ANKFN1: variants seen among roughly 807,000 people sequenced by gnomAD.
ANKFN1 encodes the protein ankyrin repeat and fibronectin type-III domain-containing protein 1.
In ANKFN1, 74 loss-of-function variants were observed where a neutral mutation model predicts 108.7. The ratio of observed to expected loss-of-function variants is 0.68; its 90% CI spans 0.56 to 0.83. The LOEUF is 0.83. ANKFN1 is among the 40% of genes least tolerant of loss of function. The probability of loss-of-function intolerance (pLI) is 0.00; values close to 1 mark genes in which losing one functional copy is unlikely to be tolerated. For synonymous variants in ANKFN1, 547 were observed against 516.2 expected, an observed-to-expected ratio of 1.06 and a Z score of -0.81; for missense variants, 1,505 against 1,382.3, an observed-to-expected ratio of 1.09 and a Z score of -1.41.
At chr17:56,494,039 A>G (rs1254604140) in intron 19 of ANKFN1, among the ~76,000 whole-genome samples, 2 of 152,220 alleles carry the variant, frequency 1.3e-5, no homozygotes, top group African/African-American at 4.8e-5. Flanking sequence ...CATAGTAAGT[A>G]TGTAATACAT....
intron 3 of ANKFN1, among the ~76,000 whole-genome samples, chr17:56,280,183 G>A (rs569466548): frequency 1.1e-4 from 17 of 151,458 alleles, no homozygotes; most frequent in Non-Finnish European, 1.6e-4. Flanking sequence ...CTCATTTTTC[G>A]TCTTTTATGT....
At chr17:56,431,022 C>G (rs1405598921) in intron 8 of ANKFN1, among the ~76,000 whole-genome samples, 2 of 152,048 alleles carry the variant, frequency 1.3e-5, no homozygotes, top group African/African-American at 4.8e-5. Context: ...GAACAGTATG[C>G]GTGAGTTTCC....
intron 4 of ANKFN1, among the ~76,000 whole-genome samples, chr17:56,047,317 C>T (rs533331716): frequency 6.6e-6 from 1 of 151,900 alleles, no homozygotes; most frequent in Non-Finnish European, 1.5e-5. Flanking sequence ...ATTTGGGAAT[C>T]TGCAGTAAAT....
At chr17:56,316,454 C>A (rs2045211185) in intron 3 of ANKFN1, among the ~76,000 whole-genome samples, 1 of 152,058 alleles carries the variant, frequency 6.6e-6, no homozygotes, top group South Asian at 2.1e-4. Context: ...ACTCAAGTAT[C>A]ATCTAAGGAA....
At position 56,401,325 on chromosome 17, in the gene ANKFN1, A is replaced by AGTATT. The variant is rs1176791583; in HGVS notation, c.910+26654_910+26658dup. Among the ~76,000 whole-genome samples, 1,125 of 143,506 alleles carry AGTATT rather than the reference A, an allele frequency of 7.8e-3. 8 individuals carry two copies. Among genetic ancestry groups the AGTATT allele is most frequent in the African/African-American group, 0.022 (836 of 37,370 alleles). 94.1% of individuals were successfully genotyped at this position (143,506 alleles called of 152,430 possible). Reference sequence around the variant, plus strand: ...GACTCCTTTGTTAGGTACATTCCGAAGTATTGTATTGTATTGTATTGTATT... The same window carrying AGTATT: ...GACTCCTTTGTTAGGTACATTCCGAAGTATTGTATTGTATTGTATTGTATTGTATT... On this transcript the variant is annotated intron_variant, in intron 8 of 20. Transcript: ENST00000682825.
chr17:56,185,202 C>A (rs1391179910), intron 1 of ANKFN1, among the ~76,000 whole-genome samples: 1 of 152,144 alleles, frequency 6.6e-6, no homozygotes. Flanking sequence ...TGACTTCCCC[C>A]ACTAGATTGT....
At chr17:56,355,713 G>C (rs1295310639) in intron 6 of ANKFN1, among the ~76,000 whole-genome samples, 3 of 152,178 alleles carry the variant, frequency 2.0e-5, no homozygotes, top group Admixed American at 2.0e-4. Flanking sequence ...GCAGGAGACA[G>C]ACTGGATGCT....
At chr17:56,061,357 T>C (rs948279461) in intron 4 of ANKFN1, among the ~76,000 whole-genome samples, 2 of 149,104 alleles carry the variant, frequency 1.3e-5, no homozygotes, top group African/African-American at 4.9e-5. Flanking sequence ...CTGCAACTTC[T>C]GCCTCCCAGG....
intron 4 of ANKFN1, among the ~76,000 whole-genome samples, chr17:56,050,260 T>G (rs952152930): frequency 8.7e-5 from 13 of 149,880 alleles, no homozygotes; most frequent in South Asian, 2.1e-4. Flanking sequence ...TCTTGTAAAT[T>G]TGTTGGAGTT....
At chr17:56,466,636 A>G in intron 15 of ANKFN1, 65 bp downstream of exon 15, 3 of 1,401,580 alleles carry the variant, frequency 2.1e-6, no homozygotes, top group Non-Finnish European at 2.9e-6. Flanking sequence ...TTGAAGGTCT[A>G]GTGAAATATT....
intron 4 of ANKFN1, among the ~76,000 whole-genome samples, chr17:56,079,873 G>A (rs953929098): frequency 3.9e-5 from 6 of 152,150 alleles, no homozygotes; most frequent in African/African-American, 1.2e-4. Context: ...TGTAAGGTGG[G>A]AGGTACTCTC....
chr17:56,148,486 T>G (rs1908400870), upstream of ANKFN1, among the ~76,000 whole-genome samples: 1 of 152,254 alleles, frequency 6.6e-6, no homozygotes, highest in Admixed American at 6.5e-5. Flanking sequence ...CATGCTTAAT[T>G]GTGCTATGAA....
At chr17:56,247,059 G>T (rs540275059) in intron 3 of ANKFN1, among the ~76,000 whole-genome samples, 1 of 152,238 alleles carries the variant, frequency 6.6e-6, no homozygotes, top group Admixed American at 6.5e-5. Flanking sequence ...TCTTAAATCT[G>T]TGCTTATTAC....
At chr17:56,236,573 G>C (rs755424771) in intron 3 of ANKFN1, among the ~76,000 whole-genome samples, 4 of 152,080 alleles carry the variant, frequency 2.6e-5, no homozygotes, top group Non-Finnish European at 5.9e-5. Flanking sequence ...TTGTTTATTA[G>C]CTGAAGGAGT....
intron 8 of ANKFN1, among the ~76,000 whole-genome samples, chr17:56,396,915 C>T (rs2047605277): frequency 6.6e-6 from 1 of 152,040 alleles, no homozygotes; most frequent in Non-Finnish European, 1.5e-5. Context: ...CTAATAGTTT[C>T]TTCCCCCATC....
chr17:56,402,675 T>C (rs1395727502), intron 8 of ANKFN1, among the ~76,000 whole-genome samples: 1 of 152,020 alleles, frequency 6.6e-6, no homozygotes, highest in Non-Finnish European at 1.5e-5. Flanking sequence ...TTTTTGTTTG[T>C]TTGTTTGTTT....
intron 3 of ANKFN1, among the ~76,000 whole-genome samples, chr17:56,286,739 C>A (rs1034759668): frequency 2.0e-5 from 3 of 152,226 alleles, no homozygotes; most frequent in Non-Finnish European, 2.9e-5. Context: ...CAACCCACTG[C>A]CAAGATTCAA....
intron 3 of ANKFN1, among the ~76,000 whole-genome samples, chr17:56,291,648 C>T (rs752870650): frequency 1.2e-4 from 18 of 152,096 alleles, no homozygotes; most frequent in Non-Finnish European, 2.1e-4. Flanking sequence ...GTGAACTTGG[C>T]CTGTAGTTCT....
chr17:56,073,321 T>C (rs1905143536), intron 4 of ANKFN1, among the ~76,000 whole-genome samples: 1 of 152,250 alleles, frequency 6.6e-6, no homozygotes, highest in Non-Finnish European at 1.5e-5. Context: ...TAACGTTTTA[T>C]TATGAAAATT....
Sources: allele counts gnomAD v4.1 joint callset (sites outside exome capture counted in the v4.1 genomes callset), GRCh38; gene constraint gnomAD v4.1.1; transcripts MANE v1.5; gene names NCBI Gene and HGNC (gene_info 2026-07-23, HGNC 2026-07-21).